Variants in MYO18B observed in about 807,000 individuals in gnomAD.
MYO18B encodes myosin XVIIIB.
MYO18B carries 204 observed loss-of-function variants against 273.0 expected under a neutral mutation model. That is an observed-to-expected ratio of 0.75 (90% CI 0.67 to 0.84). The LOEUF (loss-of-function observed/expected upper bound fraction) is 0.84. Among genes scored for constraint, MYO18B ranks in the 40% least tolerant of loss-of-function variants. The pLI is 0.00. For synonymous variants in MYO18B, 1,330 were observed against 1,305.7 expected (o/e 1.02, Z -0.40); for missense variants, 3,212 against 3,287.6 (o/e 0.98, Z 0.56).
At chr22:25,846,509 C>A (rs1227307482) in intron 19 of MYO18B, among the ~76,000 whole-genome samples, 1 of 152,214 alleles carries the variant, frequency 6.6e-6, no homozygotes, top group East Asian at 1.9e-4. Context: ...GAGGCCTAAG[C>A]CTGTGCTGCT....
Position 25,976,660 on chromosome 22 carries a change from A to G in MYO18B, c.6157-15703A>G, listed in dbSNP as rs145261327. On this transcript the variant is annotated intron_variant, in intron 39 of 43. Transcript: ENST00000335473. ...TCACCCTATTTCTGAGGGAGATAGC[A>G]TTGACTCTGATCCAAGCCTGGGGAA... Among the ~76,000 whole-genome samples, 312 of 152,244 alleles carry G rather than the reference A, an allele frequency of 2.0e-3. 2 individuals are homozygous for G. Among genetic ancestry groups the G allele is most frequent in the African/African-American group, 6.9e-3 (287 of 41,550 alleles).
At chr22:25,970,430 C>T (rs977904431) in intron 39 of MYO18B, among the ~76,000 whole-genome samples, 1 of 152,126 alleles carries the variant, frequency 6.6e-6, no homozygotes, top group African/African-American at 2.4e-5. Context: ...ATGCCTCCTT[C>T]TTTGTGCTCA....
At chr22:25,777,820 G>C (rs748780503) in intron 8 of MYO18B, 39 bp downstream of exon 8, 1 of 1,523,240 alleles carries the variant, frequency 6.6e-7, no homozygotes, top group Admixed American at 2.1e-5. Flanking sequence ...GTTGGGGTCA[G>C]CACGGGGAGA....
chr22:25,843,791 T>A lies in MYO18B; in HGVS notation c.3265T>A (p.Leu1089Met), dbSNP rs992881536. 1.2e-6 allele frequency: 2 copies of A among 1,613,844 alleles called. No homozygotes were observed. Among genetic ancestry groups the A allele is most frequent in the African/African-American group, 2.7e-5 (2 of 74,926 alleles). Residue 1089 changes from leucine to methionine, a missense_variant, in exon 18 of 44, where the codon TTG becomes ATG. By Grantham distance (15) the Leu-to-Met change is conservative. Transcript: ENST00000335473. ...CCTCCAGTGTGAGATTTTCCACCAG[T>A]TGGGATGGGACCCTGTGCGGTACGA... is the stretch of plus-strand genomic sequence containing the variant. ...QPLQCEIFHQ[L>M]GWDPVRYDLT...
At chr22:25,882,779 A>C (rs1360006903) in intron 25 of MYO18B, among the ~76,000 whole-genome samples, 1 of 152,200 alleles carries the variant, frequency 6.6e-6, no homozygotes, top group African/African-American at 2.4e-5. Flanking sequence ...GTACAATGGC[A>C]GTTTTTTTAC....
rs374110309 is a variant in MYO18B, at chr22:25,953,601, T to G, written c.5970+1178T>G. The G allele has an allele frequency of 9.2e-5, 14 of 152,134 alleles. No individual in the cohort carries two copies. The East Asian group carries it at 9.6e-4, about 10-fold the overall frequency. 9.4% of individuals were successfully genotyped at this position (152,134 alleles called of 1,614,324 possible). On this transcript the variant is annotated intron_variant, in intron 38 of 43. Transcript: ENST00000335473. ...TTGACCCTCAGTGGTTCCCAGAAAT[T>G]GCTCAAGGGATCCCTCAAGGTCTGA...
Position 25,832,951 on chromosome 22 carries a change from CCTCCCCAGGGACCACCGTGG to C in MYO18B, c.3017_3036del (p.Ser1006CysfsTer29), listed in dbSNP as rs780963035. The C allele has an allele frequency of 1.2e-6, 2 of 1,613,858 alleles. No homozygotes were observed. Among genetic ancestry groups the C allele is most frequent in the Non-Finnish European group, 1.7e-6 (2 of 1,179,876 alleles). ...CCTGTGCAGTTTGACCTCCCGGACC[CCTCCCCAGGGACCACCGTGG>C]CTGTTGTGGATCAAAATCCCTCTCA... On this transcript the variant is annotated frameshift_variant, in exon 16 of 44. Transcript: ENST00000335473. LOFTEE classifies it high-confidence loss of function.
At chr22:25,789,129 C>A (rs1471567201) in intron 11 of MYO18B, among the ~76,000 whole-genome samples, 1 of 143,494 alleles carries the variant, frequency 7.0e-6, no homozygotes, top group Non-Finnish European at 1.5e-5. Flanking sequence ...CCTCCTCTTC[C>A]TCCTCCTCCT....
chr22:26,035,237 T>G (rs1284571970), downstream of MYO18B, among the ~76,000 whole-genome samples: 1 of 151,944 alleles, frequency 6.6e-6, no homozygotes, highest in Non-Finnish European at 1.5e-5. Context: ...AGCCCAAGAG[T>G]GTCCAAACCA....
rs767902237 is a variant in MYO18B at position 25,908,315 on chromosome 22, C to T, written c.5149-7C>T. On this transcript the variant is annotated splice_region_variant and splice_polypyrimidine_tract_variant and intron_variant, in intron 31 of 43. Coordinates refer to ENST00000335473, the MANE Select transcript of MYO18B (RefSeq NM_032608.7). Reference sequence around the variant, plus strand: ...ACCCTCACGTGCTGTCCTTGCTGCCCCCGCAGCTCCGCCAGCGGTTTGAGC... The same window carrying T: ...ACCCTCACGTGCTGTCCTTGCTGCCTCCGCAGCTCCGCCAGCGGTTTGAGC... 4.5e-5 allele frequency: 70 copies of T among 1,568,200 alleles called. No individual in the cohort carries two copies. The highest frequency in any genetic ancestry group is 1.5e-4 in the Admixed American group (8 of 52,846).
intron 15 of MYO18B, among the ~76,000 whole-genome samples, chr22:25,832,571 G>A (rs1245159523): frequency 6.6e-6 from 1 of 152,154 alleles, no homozygotes; most frequent in African/African-American, 2.4e-5. Flanking sequence ...ACTTAGAAAA[G>A]TTGAGATCAG....
chr22:25,910,494 CAT>C (rs916209986), intron 32 of MYO18B, among the ~76,000 whole-genome samples: 6 of 152,036 alleles, frequency 3.9e-5, no homozygotes, highest in Non-Finnish European at 7.3e-5. Context: ...TGGAGGGACA[CAT>C]ATAGTTTATA....
In MYO18B at chr22:26,008,720, T is replaced by C. The variant is rs914155234; in HGVS notation, c.6470+3865T>C. Among the ~76,000 whole-genome samples the C allele has an allele frequency of 5.9e-5, 9 of 152,132 alleles. 1 individual carries two copies. The highest frequency in any genetic ancestry group is 2.2e-4 in the African/African-American group (9 of 41,436). On this transcript the variant is annotated intron_variant, in intron 42 of 43. Transcript: ENST00000335473. Reference sequence around the variant, plus strand: ...GGCAGTCACACTTTGTTCAGGAGTTTCTCTTAACATCTGGCCGCAAGTGGT... The same window carrying C: ...GGCAGTCACACTTTGTTCAGGAGTTCCTCTTAACATCTGGCCGCAAGTGGT...
intron 33 of MYO18B, 49 bp downstream of exon 33, chr22:25,911,099 A>G (rs753443131): frequency 2.2e-6 from 3 of 1,355,608 alleles, no homozygotes; most frequent in South Asian, 1.2e-5. Context: ...TCAGGGACCT[A>G]TTTGAGAGAT....
intron 38 of MYO18B, among the ~76,000 whole-genome samples, chr22:25,954,206 G>A (rs1411044132): frequency 6.6e-6 from 1 of 152,128 alleles, no homozygotes; most frequent in Non-Finnish European, 1.5e-5. Flanking sequence ...ACTCGTGATG[G>A]CCAAAGCACT....
chr22:25,761,508 G>T (rs1451380097), intron 2 of MYO18B, among the ~76,000 whole-genome samples: 3 of 152,172 alleles, frequency 2.0e-5, no homozygotes, highest in African/African-American at 7.2e-5. Context: ...GCTGTCAGCT[G>T]CCAGGTTTAT....
At position 25,891,429 on chromosome 22, in the gene MYO18B, C is replaced by A. The variant is rs1462089581; in HGVS notation, c.4543+17C>A. 7 of 1,500,568 alleles carry A rather than the reference C, an allele frequency of 4.7e-6. No individual in the cohort carries two copies. The highest frequency in any genetic ancestry group is 6.4e-6 in the Non-Finnish European group (7 of 1,096,084). The allele number at this position is 1,500,568 out of a possible 1,614,324, so 93.0% of individuals were successfully genotyped here. The stretch of plus-strand genomic sequence containing the variant: ...CTGGAGGAGGTGAGCAGCCTGGGAC[C>A]CTTGGGGCTGGAAGGTGATGGACAA... On this transcript the variant is annotated intron_variant, in intron 27 of 43. Coordinates refer to ENST00000335473, the MANE Select transcript of MYO18B (RefSeq NM_032608.7).
At chr22:25,760,195 C>T (rs931052452) in intron 1 of MYO18B, among the ~76,000 whole-genome samples, 1 of 152,008 alleles carries the variant, frequency 6.6e-6, no homozygotes, top group Admixed American at 6.5e-5. Context: ...GCAGGCGGAT[C>T]ATGAGGTCAG....
chr22:25,864,878 GC>G (rs1450512653), intron 21 of MYO18B, among the ~76,000 whole-genome samples: 1 of 152,206 alleles, frequency 6.6e-6, no homozygotes, highest in Non-Finnish European at 1.5e-5. Context: ...AATTACCTGG[GC>G]AATTCCAGTA....
Sources: allele counts gnomAD v4.1 joint callset (sites outside exome capture counted in the v4.1 genomes callset), GRCh38; gene constraint gnomAD v4.1.1; transcripts MANE v1.5; gene names NCBI Gene and HGNC (gene_info 2026-07-23, HGNC 2026-07-21).